The following TTC6 variants were observed in gnomAD, a reference collection of about 807,000 sequenced individuals.
TTC6 encodes the protein tetratricopeptide repeat domain 6, also known as tetratricopeptide repeat protein 6.
In TTC6, 172 loss-of-function variants were observed where a neutral mutation model predicts 210.4. The observed-to-expected ratio is 0.82, with a 90% CI of 0.72 to 0.93. The LOEUF is 0.93. TTC6 is among the 40% of genes least tolerant of loss of function. The pLI is 0.00. For missense variants in TTC6, 2,414 were observed against 2,318.1 expected, an observed-to-expected ratio of 1.04 and a Z score of -0.85; for synonymous variants, 804 against 819.6, an observed-to-expected ratio of 0.98 and a Z score of 0.32.
chr14:37,725,227 A>G (rs2095869245), intron 7 of TTC6, among the ~76,000 whole-genome samples: 1 of 144,182 alleles, frequency 6.9e-6, no homozygotes, highest in Non-Finnish European at 1.5e-5. Flanking sequence ...TTATAATTTT[A>G]TATGTTCATA....
chr14:37,747,997 T>G (rs1016193904), intron 10 of TTC6, among the ~76,000 whole-genome samples: 1 of 152,136 alleles, frequency 6.6e-6, no homozygotes, highest in African/African-American at 2.4e-5. Flanking sequence ...ATTTGCATAC[T>G]AGGGGAAGCT....
intron 27 of TTC6, among the ~76,000 whole-genome samples, chr14:37,825,684 A>G (rs1049092051): frequency 3.9e-5 from 6 of 152,184 alleles, no homozygotes; most frequent in African/African-American, 1.4e-4. Flanking sequence ...TGGAATACGT[A>G]TAGTGATACT....
downstream of TTC6, chr14:37,842,650 A>G (rs12882430): frequency 0.88 from 137,191 of 156,612 alleles, 60,896 homozygotes; most frequent in Non-Finnish European, 0.95. Flanking sequence ...CTTTTCATCA[A>G]TCCTTGCTGA....
chr14:37,773,938 G>A (rs1040317634), intron 14 of TTC6, among the ~76,000 whole-genome samples: 1 of 152,058 alleles, frequency 6.6e-6, no homozygotes, highest in African/African-American at 2.4e-5. Context: ...ATTCCTTTGA[G>A]CAGTGTTTTG....
chr14:37,688,554 G>A (rs1405657929), intron 3 of TTC6, among the ~76,000 whole-genome samples: 1 of 152,142 alleles, frequency 6.6e-6, no homozygotes, highest in Non-Finnish European at 1.5e-5. Flanking sequence ...AGGGGTGCTT[G>A]TGTCACTCCA....
intron 1 of TTC6, among the ~76,000 whole-genome samples, chr14:37,657,600 A>G (rs536622423): frequency 6.6e-6 from 1 of 152,314 alleles, no homozygotes; most frequent in Admixed American, 6.5e-5. Context: ...TGAATTGAAA[A>G]TTATTTAATA....
intron 7 of TTC6, among the ~76,000 whole-genome samples, chr14:37,734,270 T>TG (rs1409516650): frequency 2.3e-4 from 35 of 152,180 alleles, no homozygotes; most frequent in Non-Finnish European, 8.8e-5. Flanking sequence ...AATCTGAGGG[T>TG]GTACCCCTGT....
At chr14:37,749,189 G>C (rs771456863) in exon 11 of TTC6, 111 of 1,532,802 alleles carry the variant, frequency 7.2e-5, no homozygotes, top group Non-Finnish European at 1.4e-5. Context: ...AGACCCACCT[G>C]AAAGAGTGAA....
At chr14:37,777,651 G>A (rs542571486) in intron 14 of TTC6, among the ~76,000 whole-genome samples, 5 of 152,162 alleles carry the variant, frequency 3.3e-5, no homozygotes, top group Non-Finnish European at 5.9e-5. Context: ...GAGTGAATGC[G>A]GTCATTTGGA....
chr14:37,653,636 G>T (rs1484168534), intron 1 of TTC6, among the ~76,000 whole-genome samples: 1 of 152,140 alleles, frequency 6.6e-6, no homozygotes, highest in African/African-American at 2.4e-5. Flanking sequence ...GCTGTTTTCA[G>T]TCCACTTGCA....
intron 2 of TTC6, among the ~76,000 whole-genome samples, chr14:37,608,246 T>C (rs1048365889): frequency 3.9e-5 from 6 of 152,206 alleles, no homozygotes; most frequent in Middle Eastern, 3.2e-3. Flanking sequence ...TTTTTATTTA[T>C]AGTTTCTGCC....
intron 20 of TTC6, among the ~76,000 whole-genome samples, chr14:37,800,525 A>C (rs1403495855): frequency 6.6e-6 from 1 of 152,312 alleles, no homozygotes; most frequent in South Asian, 2.1e-4. Context: ...GTGTGGCCGG[A>C]CAACACTTTG....
chr14:37,769,616 G>A (rs2096011264), intron 14 of TTC6, among the ~76,000 whole-genome samples: 1 of 152,040 alleles, frequency 6.6e-6, no homozygotes, highest in Non-Finnish European at 1.5e-5. Flanking sequence ...TTCTCTGATG[G>A]TAGTTTGTAT....
chr14:37,669,732 T>A (rs2138466851), intron 1 of TTC6, among the ~76,000 whole-genome samples: 1 of 152,324 alleles, frequency 6.6e-6, no homozygotes, highest in African/African-American at 2.4e-5. Context: ...ATTATTTATC[T>A]TTTGCTTTTT....
intron 3 of TTC6, among the ~76,000 whole-genome samples, chr14:37,686,471 C>T (rs532027135): frequency 1.3e-5 from 2 of 152,178 alleles, no homozygotes; most frequent in South Asian, 2.1e-4. Flanking sequence ...ATGGAAGTCT[C>T]GTGGACTGCT....
At chr14:37,633,015 C>A (rs1378281422) in intron 1 of TTC6, among the ~76,000 whole-genome samples, 2 of 152,224 alleles carry the variant, frequency 1.3e-5, no homozygotes, top group Non-Finnish European at 2.9e-5. Flanking sequence ...GACTGCTGTG[C>A]TGGCAGCAAG....
At chr14:37,797,365 G>C (rs1198949577) in intron 20 of TTC6, among the ~76,000 whole-genome samples, 1 of 151,940 alleles carries the variant, frequency 6.6e-6, no homozygotes, top group Admixed American at 6.6e-5. Context: ...CCAATTTGGT[G>C]GATAAAAATT....
intron 14 of TTC6, among the ~76,000 whole-genome samples, chr14:37,771,142 T>G (rs1433509503): frequency 6.6e-6 from 1 of 152,202 alleles, no homozygotes; most frequent in East Asian, 1.9e-4. Flanking sequence ...CCCACTCTCT[T>G]CTGGCTTATA....
chr14:37,749,814 A>G, exon 12 of TTC6: 1 of 1,412,344 alleles, frequency 7.1e-7, no homozygotes, highest in Non-Finnish European at 9.2e-7. Context: ...GACTTGAATT[A>G]TATACATAAA....
Sources: gnomAD v4.1 joint callset for allele counts (sites outside exome capture counted in the v4.1 genomes callset) on GRCh38, gnomAD v4.1.1 for gene constraint, MANE v1.5 for transcripts, NCBI Gene and HGNC (gene_info 2026-07-23, HGNC 2026-07-21) for gene names.